The following SOX6 variants were observed in gnomAD, a reference collection of about 807,000 sequenced individuals.
SOX6 encodes the protein SRY-box transcription factor 6.
A neutral mutation model predicts 97.8 loss-of-function variants in SOX6; 11 were observed. The observed-to-expected ratio is 0.11, with a 90% CI of 0.07 to 0.19. SOX6 has a LOEUF of 0.19. Ranked by LOEUF, SOX6 falls within the 10% of genes least tolerant of loss-of-function variation. SOX6 has a pLI of 1.00. For missense variants in SOX6, 810 were observed against 1,039.5 expected, an observed-to-expected ratio of 0.78 and a Z score of 3.04; for synonymous variants, 360 against 371.4, an observed-to-expected ratio of 0.97 and a Z score of 0.35.
chr11:16,656,225 A>G lies in SOX6; in HGVS notation n.430-43965T>C, dbSNP rs1016583595. Among the ~76,000 whole-genome samples, 158 of 152,210 alleles carry G rather than the reference A, an allele frequency of 1.0e-3. 1 individual carries two copies. Among genetic ancestry groups the G allele is most frequent in the African/African-American group, 3.6e-3 (150 of 41,528 alleles). ...TCAGAGTAGCTGGGATTACAGGCAC[A>G]TGCCACCACGCCCAATTAATGTTTG... On this transcript the variant is annotated intron_variant and non_coding_transcript_variant, in intron 3 of 5. Coordinates refer to the SOX6 transcript ENST00000524520.
chr11:16,150,976 T>C (rs1195572194), intron 6 of SOX6, among the ~76,000 whole-genome samples: 1 of 152,170 alleles, frequency 6.6e-6, no homozygotes, highest in Admixed American at 6.6e-5. Flanking sequence ...ATTGGGAGGC[T>C]ACAGCAGAAT....
rs567025491 is a variant in SOX6, at chr11:16,687,178, G to A, written n.429+27652C>T. 2.0e-5 allele frequency among the ~76,000 whole-genome samples: 3 copies of A among 152,310 alleles called. No homozygotes were observed. The South Asian group carries it at 6.2e-4, about 32-fold the overall frequency. On this transcript the variant is annotated intron_variant and non_coding_transcript_variant, in intron 3 of 5. Coordinates refer to the SOX6 transcript ENST00000524520. ...CTGAGTAATTTAAAAAGAAAGGTTT[G>A]CTTGGCTCACAGTTCTGCAGGCTGT...
At chr11:16,405,856 C>T (rs1858674438) in intron 1 of SOX6, among the ~76,000 whole-genome samples, 1 of 151,906 alleles carries the variant, frequency 6.6e-6, no homozygotes, top group African/African-American at 2.4e-5. Flanking sequence ...AAACGTAAAT[C>T]GAGTTTCCTT....
At chr11:16,061,698 G>A (rs373909258) in intron 9 of SOX6, among the ~76,000 whole-genome samples, 5 of 151,622 alleles carry the variant, frequency 3.3e-5, no homozygotes, top group Non-Finnish European at 5.9e-5. Flanking sequence ...AAATAGACAC[G>A]TAGATCAATG....
chr11:16,257,001 T>C (rs1590068961), intron 3 of SOX6, among the ~76,000 whole-genome samples: 1 of 151,792 alleles, frequency 6.6e-6, no homozygotes, highest in South Asian at 2.1e-4. Flanking sequence ...ATACATTTAA[T>C]AAAATATGTA....
Position 16,298,876 on chromosome 11 carries a change from TAGA to T in SOX6, c.445+19567_445+19569del, listed in dbSNP as rs548429952. ...CCAAGATGAAGATAGAGTTTTAATA[TAGA>T]AGAATAAGGAATTAAGAGTAGTCAT... On this transcript the variant is annotated intron_variant, in intron 3 of 15. Coordinates refer to ENST00000683767, the MANE Select transcript of SOX6 (RefSeq NM_001367873.1). Among the ~76,000 whole-genome samples, 24 of 152,130 alleles carry T rather than the reference TAGA, an allele frequency of 1.6e-4. No individual in the cohort carries two copies. The South Asian group carries it at 4.6e-3, about 29-fold the overall frequency.
rs1412450790 is a variant in SOX6 at position 16,014,980 on chromosome 11, G to T, written c.1694C>A (p.Pro565Gln). ...GKSNEDGKLG[P>Q]GVIDLTRPED... ...TGGCCGAGTAAGGTCGATGACACCT[G>T]GGCCCAGTTTTCCATCTTCATTTGA... is the stretch of plus-strand genomic sequence containing the variant. The change falls in exon 13 of 16, where the codon CCA (proline) becomes CAA (glutamine). Residue 565 changes from proline (P) to glutamine (Q), a missense_variant. This residue lies in a region of SOX6 where 120 missense variants were observed against 127.0 expected (regional missense o/e 0.94). Coordinates refer to ENST00000683767, the MANE Select transcript of SOX6 (RefSeq NM_001367873.1). 1 of 1,612,842 alleles carries T rather than the reference G, an allele frequency of 6.2e-7. No individual in the cohort carries two copies. Among genetic ancestry groups the T allele is most frequent in the East Asian group, 2.2e-5 (1 of 44,816 alleles).
At chr11:15,974,612 T>C in intron 15 of SOX6, among the ~76,000 whole-genome samples, 1 of 144,874 alleles carries the variant, frequency 6.9e-6, no homozygotes, top group Non-Finnish European at 1.5e-5. Flanking sequence ...CATTGTTCAA[T>C]TCCCACCTAT....
chr11:16,644,339 A>G (rs1848977183), intron 3 of SOX6, among the ~76,000 whole-genome samples: 1 of 152,062 alleles, frequency 6.6e-6, no homozygotes, highest in Non-Finnish European at 1.5e-5. Flanking sequence ...TACCTGGCCC[A>G]TTTCCAGTCA....
At chr11:16,686,875 A>G (rs562283465) in intron 3 of SOX6, among the ~76,000 whole-genome samples, 16 of 152,348 alleles carry the variant, frequency 1.1e-4, no homozygotes, top group Admixed American at 3.3e-4. Context: ...AGGCAGGAGA[A>G]TCGCTTGAAC....
At chr11:16,505,112 T>C (rs2133146767) in intron 4 of SOX6, among the ~76,000 whole-genome samples, 1 of 152,280 alleles carries the variant, frequency 6.6e-6, no homozygotes, top group South Asian at 2.1e-4. Flanking sequence ...TTGCAACAGT[T>C]TGGAGGGCTC....
intron 6 of SOX6, among the ~76,000 whole-genome samples, chr11:16,116,902 T>C (rs1041413502): frequency 6.6e-6 from 1 of 152,208 alleles, no homozygotes; most frequent in Admixed American, 6.5e-5. Context: ...GAGAATCTAA[T>C]GCTTGATGAT....
intron 3 of SOX6, among the ~76,000 whole-genome samples, chr11:16,625,144 A>G (rs988193606): frequency 6.6e-6 from 1 of 152,148 alleles, no homozygotes; most frequent in South Asian, 2.1e-4. Flanking sequence ...CCACATTATT[A>G]GTTTTTTTCT....
intron 12 of SOX6, among the ~76,000 whole-genome samples, chr11:16,032,688 T>C (rs1855409694): frequency 6.6e-6 from 1 of 152,114 alleles, no homozygotes. Flanking sequence ...CTGGGTTAAC[T>C]TTCTTAGCCA....
intron 6 of SOX6, among the ~76,000 whole-genome samples, chr11:16,166,412 A>G (rs909611006): frequency 6.6e-6 from 1 of 152,254 alleles, no homozygotes; most frequent in Non-Finnish European, 1.5e-5. Flanking sequence ...AGTGATGAAC[A>G]TATAATGGAA....
chr11:16,518,945 G>C (rs1479579306), intron 4 of SOX6, among the ~76,000 whole-genome samples: 1 of 152,056 alleles, frequency 6.6e-6, no homozygotes, highest in South Asian at 2.1e-4. Flanking sequence ...TCAAAAGCTG[G>C]AAAGAAGAGT....
At chr11:16,708,473 TA>T (rs1293495319) in intron 3 of SOX6, among the ~76,000 whole-genome samples, 5 of 152,232 alleles carry the variant, frequency 3.3e-5, no homozygotes, top group African/African-American at 2.4e-5. Flanking sequence ...ACACATAGTT[TA>T]AAAATATACC....
intron 15 of SOX6, among the ~76,000 whole-genome samples, chr11:15,984,653 T>C (rs930531588): frequency 2.6e-5 from 4 of 152,236 alleles, no homozygotes; most frequent in African/African-American, 9.6e-5. Context: ...CAAACATTTA[T>C]AATACAGAGG....
At chr11:16,518,780 A>T (rs956745039) in intron 4 of SOX6, among the ~76,000 whole-genome samples, 2 of 152,226 alleles carry the variant, frequency 1.3e-5, no homozygotes, top group Admixed American at 6.5e-5. Flanking sequence ...TCAACACAAA[A>T]AAAACGTAAA....
Sources: gnomAD v4.1 joint callset for allele counts (sites outside exome capture counted in the v4.1 genomes callset) on GRCh38, gnomAD v4.1.1 for gene constraint, gnomAD v4.1.1 regional missense constraint, MANE v1.5 for transcripts, NCBI Gene and HGNC (gene_info 2026-07-23, HGNC 2026-07-21) for gene names.